Variants in SH3D19 observed in about 807,000 individuals in gnomAD.
SH3D19 encodes SH3 domain-containing protein 19.
In SH3D19, 58 loss-of-function variants were observed where a neutral mutation model predicts 112.1. The ratio of observed to expected loss-of-function variants is 0.52; its 90% CI spans 0.42 to 0.64. The LOEUF is 0.64. Among genes scored for constraint, SH3D19 ranks in the 30% least tolerant of loss-of-function variants. The pLI is 0.00. For synonymous variants in SH3D19, 391 were observed against 448.5 expected, an observed-to-expected ratio of 0.87 and a Z score of 1.62; for missense variants, 1,090 against 1,263.4, an observed-to-expected ratio of 0.86 and a Z score of 2.08.
At chr4:151,265,301 G>A (rs1209748341) in intron 1 of SH3D19, among the ~76,000 whole-genome samples, 1 of 151,192 alleles carries the variant, frequency 6.6e-6, no homozygotes, top group African/African-American at 2.4e-5. Flanking sequence ...TGTGGAAAAT[G>A]CTTCAGCAAA....
At position 151,130,769 on chromosome 4, in the gene SH3D19, G is replaced by A. The variant is rs540126198; in HGVS notation, c.2742+1562C>T. On this transcript the variant is annotated intron_variant, in intron 17 of 19. Transcript: ENST00000604030. The stretch of plus-strand genomic sequence containing the variant: ...AGCCTGGCCAAGACGGTAAAACCCC[G>A]TTTCTGCTAAAACTACAAAAATTAG... Among the ~76,000 whole-genome samples, 5 of 152,088 alleles carry A rather than the reference G, an allele frequency of 3.3e-5. No homozygotes were observed. In the South Asian group the frequency reaches 8.3e-4, roughly 25 times the overall value.
At chr4:151,243,817 T>C (rs998801637) in intron 1 of SH3D19, among the ~76,000 whole-genome samples, 1 of 152,204 alleles carries the variant, frequency 6.6e-6, no homozygotes, top group African/African-American at 2.4e-5. Context: ...GGATATAAGC[T>C]CAGAGAAGAC....
chr4:151,211,463 T>A (rs1476877047), intron 2 of SH3D19, among the ~76,000 whole-genome samples: 1 of 152,070 alleles, frequency 6.6e-6, no homozygotes, highest in Non-Finnish European at 1.5e-5. Context: ...TTGCACTTCC[T>A]TCATTTTAAG....
chr4:151,213,671 A>ATTTATTTATTT (rs1554055367), intron 2 of SH3D19, among the ~76,000 whole-genome samples: 1,802 of 148,180 alleles, frequency 0.012, 42 homozygotes, highest in East Asian at 0.026. Context: ...AATATGAATT[A>ATTTATTTATTT]ATTAATTAAT....
intron 9 of SH3D19, among the ~76,000 whole-genome samples, chr4:151,158,663 A>G (rs1435083808): frequency 6.6e-6 from 1 of 150,954 alleles, no homozygotes; most frequent in African/African-American, 2.4e-5. Flanking sequence ...TCCCCAAGAA[A>G]CCACAAAAGT....
intron 1 of SH3D19, 70 bp from the exon 2 acceptor site, chr4:151,226,156 C>G: frequency 8.9e-6 from 11 of 1,230,330 alleles, no homozygotes; most frequent in Non-Finnish European, 1.0e-5. Context: ...TTTTAAATAC[C>G]AGCTGCCATA....
chr4:151,172,773 C>T (rs999114587), intron 7 of SH3D19, among the ~76,000 whole-genome samples: 3 of 152,160 alleles, frequency 2.0e-5, no homozygotes, highest in Admixed American at 6.5e-5. Flanking sequence ...CTGTGTGACA[C>T]GGTGAGAAGA....
intron 1 of SH3D19, among the ~76,000 whole-genome samples, chr4:151,258,307 C>T (rs567860799): frequency 1.6e-4 from 24 of 152,254 alleles, no homozygotes; most frequent in African/African-American, 5.5e-4. Context: ...TGGTTTATTT[C>T]CCCTTTATTT....
intron 2 of SH3D19, among the ~76,000 whole-genome samples, chr4:151,208,534 C>T (rs543888223): frequency 1.3e-5 from 2 of 152,206 alleles, no homozygotes; most frequent in Admixed American, 6.5e-5. Flanking sequence ...CGAAACCTGG[C>T]TAGTTTTTTG....
chr4:151,231,637 G>A (rs1443718534), intron 1 of SH3D19, among the ~76,000 whole-genome samples: 1 of 152,054 alleles, frequency 6.6e-6, no homozygotes, highest in Non-Finnish European at 1.5e-5. Flanking sequence ...GGTTAAAAAA[G>A]CCAAGAAATT....
At chr4:151,173,644 A>G (rs1759439411) in intron 7 of SH3D19, among the ~76,000 whole-genome samples, 1 of 152,232 alleles carries the variant, frequency 6.6e-6, no homozygotes, top group Non-Finnish European at 1.5e-5. Context: ...CTTTTAGTTT[A>G]TACGCTAAAA....
At chr4:151,246,593 TC>T (rs2149973054) in intron 1 of SH3D19, among the ~76,000 whole-genome samples, 1 of 152,336 alleles carries the variant, frequency 6.6e-6, no homozygotes, top group Non-Finnish European at 1.5e-5. Context: ...ATGGCACTGT[TC>T]TTTACAATAG....
chr4:151,136,947 T>C (rs1365151024), intron 14 of SH3D19, among the ~76,000 whole-genome samples: 1 of 152,240 alleles, frequency 6.6e-6, no homozygotes, highest in Non-Finnish European at 1.5e-5. Flanking sequence ...TTATTTACTT[T>C]TTCCTTCCAA....
At chr4:151,133,308 C>A in intron 15 of SH3D19, 72 bp from the exon 16 acceptor site, 1 of 1,231,176 alleles carries the variant, frequency 8.1e-7, no homozygotes, top group South Asian at 1.3e-5. Context: ...TTCATTCAGT[C>A]TTTCAATAAA....
intron 1 of SH3D19, among the ~76,000 whole-genome samples, chr4:151,253,318 T>A (rs1030563832): frequency 2.6e-5 from 4 of 152,234 alleles, no homozygotes; most frequent in Admixed American, 2.6e-4. Flanking sequence ...GTTATCCACC[T>A]GGCTCATTTC....
chr4:151,265,539 A>G (rs28651657), intron 1 of SH3D19, among the ~76,000 whole-genome samples: 51,258 of 148,478 alleles, frequency 0.35, 10,011 homozygotes, highest in Non-Finnish European at 0.46. Context: ...AGAATGATCA[A>G]TTAATCCTTA....
rs201719037 is a variant in SH3D19, at chr4:151,194,016, A to ATTTTTTTTTTTTTTT, written c.153-6568_153-6554dup. Among the ~76,000 whole-genome samples, 4 of 111,896 alleles carry ATTTTTTTTTTTTTTT rather than the reference A, an allele frequency of 3.6e-5. 1 individual carries two copies. Among genetic ancestry groups the ATTTTTTTTTTTTTTT allele is most frequent in the African/African-American group, 1.3e-4 (3 of 22,450 alleles). The allele number at this position is 111,896 out of a possible 152,430, so 73.4% of individuals were successfully genotyped here. A position where few individuals can be genotyped will look rare whatever the true frequency, so the allele number is the denominator to read the frequency against. On this transcript the variant is annotated intron_variant, in intron 2 of 19. Coordinates refer to ENST00000604030, the MANE Select transcript of SH3D19 (RefSeq NM_001378122.1). ...GATGTGTAGCAGTATAGTAGGATTA[A>ATTTTTTTTTTTTTTT]TTTTTTTTTTTTTTTTTTTTTTTTT...
At position 151,279,059 on chromosome 4, in the gene SH3D19, C is replaced by T. The variant is rs1773921557; in HGVS notation, c.112+46182G>A. ...GTATGTAGTGTGCTGTTGTCAGTAT[C>T]CACCTCTCACTGACCAGGGAACATC... is the stretch of plus-strand genomic sequence containing the variant. On this transcript the variant is annotated intron_variant, in intron 1 of 19. Coordinates refer to ENST00000604030, the MANE Select transcript of SH3D19 (RefSeq NM_001378122.1). 7.6e-6 allele frequency: 3 copies of T among 392,980 alleles called. No individual in the cohort carries two copies. In the East Asian group the frequency reaches 2.3e-4, roughly 30 times the overall value. The allele number at this position is 392,980 out of a possible 1,614,324, so 24.3% of individuals were successfully genotyped here.
intron 1 of SH3D19, among the ~76,000 whole-genome samples, chr4:151,317,044 T>C (rs1442861102): frequency 6.6e-6 from 1 of 152,198 alleles, no homozygotes; most frequent in East Asian, 1.9e-4. Context: ...TGCCACATTA[T>C]CAGTGAATGA....
Sources: gnomAD v4.1 joint callset for allele counts (sites outside exome capture counted in the v4.1 genomes callset) on GRCh38, gnomAD v4.1.1 for gene constraint, MANE v1.5 for transcripts, NCBI Gene and HGNC (gene_info 2026-07-23, HGNC 2026-07-21) for gene names.